GABRB2: variants seen among roughly 807,000 people sequenced by gnomAD.
GABRB2 encodes the protein gamma-aminobutyric acid receptor subunit beta-2.
GABRB2 carries 16 observed loss-of-function variants against 54.7 expected under a neutral mutation model. That is an observed-to-expected ratio of 0.29 (90% confidence interval 0.20 to 0.44). The LOEUF (loss-of-function observed/expected upper bound fraction) is 0.44. Among genes scored for constraint, GABRB2 ranks in the 20% least tolerant of loss-of-function variants. GABRB2 has a pLI of 1.00. For synonymous variants in GABRB2, 244 were observed against 233.8 expected (o/e 1.04, Z -0.40); for missense variants, 355 against 644.0 (o/e 0.55, Z 4.86).
intron 3 of GABRB2, among the ~76,000 whole-genome samples, chr5:161,519,935 A>G (rs1189491598): frequency 1.3e-5 from 2 of 152,172 alleles, no homozygotes; most frequent in African/African-American, 4.8e-5. Context: ...TTTAAATTAC[A>G]TATCTAACAT....
intron 5 of GABRB2, among the ~76,000 whole-genome samples, chr5:161,374,583 C>T (rs1340675038): frequency 2.0e-5 from 3 of 152,182 alleles, no homozygotes; most frequent in Non-Finnish European, 4.4e-5. Flanking sequence ...AAACTGGTTA[C>T]TGTAGAGTCT....
intron 5 of GABRB2, among the ~76,000 whole-genome samples, chr5:161,381,760 A>C (rs1755475611): frequency 6.6e-6 from 1 of 152,204 alleles, no homozygotes; most frequent in East Asian, 1.9e-4. Context: ...GGAGTGGGCA[A>C]ACTCAGATTC....
At chr5:161,541,552 C>T (rs1179026271) in intron 3 of GABRB2, among the ~76,000 whole-genome samples, 1 of 152,244 alleles carries the variant, frequency 6.6e-6, no homozygotes, top group Non-Finnish European at 1.5e-5. Flanking sequence ...GCTGTAGCTT[C>T]TCCATCAGCA....
At chr5:161,515,869 C>A (rs1190503684) in intron 3 of GABRB2, among the ~76,000 whole-genome samples, 1 of 151,910 alleles carries the variant, frequency 6.6e-6, no homozygotes, top group African/African-American at 2.4e-5. Context: ...ATAGGTAGAA[C>A]AAAAAAACAA....
chr5:161,433,459 A>G (rs1181024806), intron 4 of GABRB2, among the ~76,000 whole-genome samples: 1 of 151,410 alleles, frequency 6.6e-6, no homozygotes, highest in Non-Finnish European at 1.5e-5. Context: ...AAAAAAAAAA[A>G]AATAGTCGGG....
At chr5:161,381,842 A>G (rs1755478153) in intron 5 of GABRB2, among the ~76,000 whole-genome samples, 1 of 152,206 alleles carries the variant, frequency 6.6e-6, no homozygotes, top group African/African-American at 2.4e-5. Flanking sequence ...CTGTTTCCTC[A>G]TCTACTAAAT....
At chr5:161,473,291 A>G (rs1329619556) in intron 3 of GABRB2, among the ~76,000 whole-genome samples, 1 of 152,024 alleles carries the variant, frequency 6.6e-6, no homozygotes, top group Middle Eastern at 3.2e-3. Context: ...AGATTTTTCT[A>G]AATAATACAA....
At chr5:161,302,330 C>T (rs921662772) in intron 9 of GABRB2, among the ~76,000 whole-genome samples, 4 of 151,972 alleles carry the variant, frequency 2.6e-5, no homozygotes, top group Non-Finnish European at 4.4e-5. Context: ...TGTATTAAAC[C>T]CTGAAGAGGG....
chr5:161,335,048 G>C, intron 6 of GABRB2, 144 bp from the exon 7 acceptor site: 2 of 760,876 alleles, frequency 2.6e-6, no homozygotes, highest in Non-Finnish European at 4.2e-6. Context: ...AGTAGTCTGA[G>C]AGCCCTGAGT....
chr5:161,527,025 A>G (rs548705858), intron 3 of GABRB2, among the ~76,000 whole-genome samples: 97 of 151,632 alleles, frequency 6.4e-4, no homozygotes, highest in African/African-American at 2.2e-3. Context: ...TAAAGATTGT[A>G]TGGAAGCATA....
Position 161,288,489 on chromosome 5 carries a change from A to C in GABRB2, c.*5592T>G, listed in dbSNP as rs745616833. 3.3e-5 allele frequency: 5 copies of C among 152,658 alleles called. No individual in the cohort carries two copies. The highest frequency in any genetic ancestry group is 4.8e-5 in the African/African-American group (2 of 41,468). 9.5% of individuals were successfully genotyped at this position (152,658 alleles called of 1,614,324 possible). A position where few individuals can be genotyped will look rare whatever the true frequency, so the allele number is the denominator to read the frequency against. On this transcript the variant is annotated 3_prime_UTR_variant, in exon 10 of 10. Transcript: ENST00000393959. ...CAAGAATTACACACTAGCCAACATT[A>C]TTATATATTTACATGCTGAAACTGG...
intron 5 of GABRB2, among the ~76,000 whole-genome samples, chr5:161,358,383 A>C (rs1480666622): frequency 2.0e-5 from 3 of 152,166 alleles, no homozygotes; most frequent in Admixed American, 2.0e-4. Flanking sequence ...GTTTTATGTT[A>C]AAATAGAGAC....
At chr5:161,313,791 C>T (rs376072904) in intron 9 of GABRB2, among the ~76,000 whole-genome samples, 17 of 152,294 alleles carry the variant, frequency 1.1e-4, no homozygotes, top group African/African-American at 3.1e-4. Flanking sequence ...GCTCTGAGCG[C>T]TTTCCTATCC....
chr5:161,497,530 ATG>A (rs71587162), intron 3 of GABRB2, among the ~76,000 whole-genome samples: 220 of 147,364 alleles, frequency 1.5e-3, no homozygotes, highest in East Asian at 2.8e-3. Context: ...GTGTGTGTAT[ATG>A]TGTGTGTGTG....
intron 9 of GABRB2, among the ~76,000 whole-genome samples, chr5:161,325,120 C>G (rs1427712873): frequency 6.6e-6 from 1 of 151,998 alleles, no homozygotes; most frequent in South Asian, 2.1e-4. Context: ...CATCATAAAT[C>G]CAACTTTCAT....
intron 3 of GABRB2, among the ~76,000 whole-genome samples, chr5:161,481,744 T>C (rs1431820328): frequency 2.0e-5 from 3 of 151,982 alleles, no homozygotes; most frequent in African/African-American, 4.8e-5. Context: ...CATATACATC[T>C]TGACCCACAA....
At chr5:161,463,889 A>G (rs533690178) in intron 3 of GABRB2, among the ~76,000 whole-genome samples, 75 of 151,916 alleles carry the variant, frequency 4.9e-4, no homozygotes, top group Middle Eastern at 3.4e-3. Context: ...ATACAAGTAG[A>G]TAAATGGATA....
chr5:161,420,275 A>G (rs927709109), intron 4 of GABRB2, among the ~76,000 whole-genome samples: 2 of 152,294 alleles, frequency 1.3e-5, no homozygotes, highest in Non-Finnish European at 2.9e-5. Flanking sequence ...ACAACTAGCC[A>G]GTGACAGACC....
intron 5 of GABRB2, among the ~76,000 whole-genome samples, chr5:161,378,887 C>T (rs888875478): frequency 3.9e-5 from 6 of 152,114 alleles, no homozygotes; most frequent in Non-Finnish European, 8.8e-5. Context: ...TCATGGAAGG[C>T]AACATATGTT....
Sources: gnomAD v4.1 joint callset for allele counts (sites outside exome capture counted in the v4.1 genomes callset) on GRCh38, gnomAD v4.1.1 for gene constraint, MANE v1.5 for transcripts, NCBI Gene and HGNC (gene_info 2026-07-23, HGNC 2026-07-21) for gene names.